The following SLC4A4 variants were observed in gnomAD, a reference collection of about 807,000 sequenced individuals.
SLC4A4 encodes electrogenic sodium bicarbonate cotransporter 1.
Under a neutral mutation model 111.5 loss-of-function variants are expected in SLC4A4, and 27 were observed. The observed-to-expected ratio is 0.24, with a 90% confidence interval of 0.18 to 0.33. The LOEUF is 0.33. SLC4A4 is among the 10% of genes least tolerant of loss of function. SLC4A4 has a pLI of 1.00. For missense variants in SLC4A4, 909 were observed against 1,315.5 expected, an observed-to-expected ratio of 0.69 and a Z score of 4.78; for synonymous variants, 443 against 463.4, an observed-to-expected ratio of 0.96 and a Z score of 0.57.
chr4:71,130,707 G>A (rs561474313), intron 2 of SLC4A4, among the ~76,000 whole-genome samples: 13 of 152,196 alleles, frequency 8.5e-5, no homozygotes, highest in South Asian at 2.1e-4. Flanking sequence ...GTTGTAATGC[G>A]TATGTATCTT....
intron 16 of SLC4A4, among the ~76,000 whole-genome samples, chr4:71,520,777 G>A (rs752135759): frequency 3.9e-5 from 6 of 151,970 alleles, no homozygotes; most frequent in Non-Finnish European, 7.4e-5. Flanking sequence ...TACAGCAAAG[G>A]CAAATTCAAA....
intron 1 of SLC4A4, among the ~76,000 whole-genome samples, chr4:71,215,744 A>G (rs1253291046): frequency 6.6e-6 from 1 of 152,178 alleles, no homozygotes; most frequent in Non-Finnish European, 1.5e-5. Context: ...CGTGATGATC[A>G]CAAGTGAACC....
chr4:71,518,463 C>A (rs565613715), intron 16 of SLC4A4, among the ~76,000 whole-genome samples: 42 of 152,124 alleles, frequency 2.8e-4, no homozygotes, highest in Admixed American at 1.0e-3. Context: ...CATGGTTCTG[C>A]AGCAGGCCTG....
chr4:71,344,368 A>G (rs1244917397), intron 4 of SLC4A4, among the ~76,000 whole-genome samples: 1 of 152,050 alleles, frequency 6.6e-6, no homozygotes, highest in Non-Finnish European at 1.5e-5. Context: ...TGCTGTCAGA[A>G]TGTTTTTGCA....
rs185654421 is a variant in SLC4A4, at chr4:71,171,091, A to G, written c.-1-65485A>G. ...AAATGCTACTAACTCCAAGCTAAATAACATGGATTTCATTCAACAGTTGAT... is the reference window on the plus strand; with the variant it reads ...AAATGCTACTAACTCCAAGCTAAATGACATGGATTTCATTCAACAGTTGAT... On this transcript the variant is annotated intron_variant, in intron 2 of 26. Transcript: ENST00000649996. 1.4e-3 allele frequency among the ~76,000 whole-genome samples: 209 copies of G among 152,312 alleles called. 5 individuals carry two copies. The highest frequency in any genetic ancestry group is 0.014 in the Admixed American group (207 of 15,292).
At chr4:71,085,676 TG>T (rs1742144092) in intron 1 of SLC4A4, among the ~76,000 whole-genome samples, 2 of 152,102 alleles carry the variant, frequency 1.3e-5, no homozygotes, top group Admixed American at 6.5e-5. Context: ...CTTTCCCCAT[TG>T]CTTGTTTTTG....
intron 15 of SLC4A4, among the ~76,000 whole-genome samples, chr4:71,494,750 A>G (rs1730247639): frequency 6.6e-6 from 1 of 152,048 alleles, no homozygotes; most frequent in Admixed American, 6.6e-5. Flanking sequence ...AGATGAGTTA[A>G]GGGTCTCCTG....
At chr4:71,268,916 A>G (rs1333348615) in intron 3 of SLC4A4, among the ~76,000 whole-genome samples, 1 of 152,258 alleles carries the variant, frequency 6.6e-6, no homozygotes, top group Non-Finnish European at 1.5e-5. Context: ...TATAACATAT[A>G]GAAGCTTTCA....
At chr4:71,318,245 G>T (rs1333929513) in intron 3 of SLC4A4, among the ~76,000 whole-genome samples, 1 of 152,036 alleles carries the variant, frequency 6.6e-6, no homozygotes, top group African/African-American at 2.4e-5. Flanking sequence ...AATAGTAATA[G>T]ATTCAAGATA....
intron 2 of SLC4A4, among the ~76,000 whole-genome samples, chr4:71,100,726 G>C (rs893808878): frequency 3.9e-5 from 6 of 152,122 alleles, no homozygotes; most frequent in African/African-American, 1.4e-4. Flanking sequence ...AGCTCCTTCA[G>C]GTGATAAACA....
At chr4:71,164,758 G>T (rs1431946521) in intron 2 of SLC4A4, among the ~76,000 whole-genome samples, 1 of 152,070 alleles carries the variant, frequency 6.6e-6, no homozygotes, top group Non-Finnish European at 1.5e-5. Context: ...TCATCAGAGC[G>T]AACAGGCAAC....
chr4:71,118,355 G>A (rs1408501456), intron 2 of SLC4A4, among the ~76,000 whole-genome samples: 1 of 151,986 alleles, frequency 6.6e-6, no homozygotes, highest in Non-Finnish European at 1.5e-5. Flanking sequence ...ATAATACAAG[G>A]TCCTGGGGAT....
At chr4:71,071,475 TA>T (rs1240820235) in intron 1 of SLC4A4, among the ~76,000 whole-genome samples, 3 of 152,158 alleles carry the variant, frequency 2.0e-5, no homozygotes, top group Non-Finnish European at 4.4e-5. Flanking sequence ...AAATATTTTT[TA>T]TTGCTTTGAG....
intron 3 of SLC4A4, among the ~76,000 whole-genome samples, chr4:71,293,318 C>A (rs1270625497): frequency 6.6e-6 from 1 of 151,528 alleles, no homozygotes; most frequent in Non-Finnish European, 1.5e-5. Context: ...AATCCCAGCA[C>A]TTTGGGAAGC....
At chr4:71,399,365 G>T (rs947626245) in intron 7 of SLC4A4, among the ~76,000 whole-genome samples, 1 of 151,904 alleles carries the variant, frequency 6.6e-6, no homozygotes, top group Non-Finnish European at 1.5e-5. Context: ...TAGTCATAGA[G>T]GTTTATAGGC....
chr4:71,508,830 T>G (rs1020241029), intron 16 of SLC4A4, among the ~76,000 whole-genome samples: 1 of 152,216 alleles, frequency 6.6e-6, no homozygotes, highest in South Asian at 2.1e-4. Context: ...CCAGTATCCT[T>G]GATGAACATT....
At chr4:71,109,896 C>T (rs1377201551) in intron 2 of SLC4A4, among the ~76,000 whole-genome samples, 1 of 152,154 alleles carries the variant, frequency 6.6e-6, no homozygotes, top group African/African-American at 2.4e-5. Flanking sequence ...AAAATCTAGC[C>T]TTGCTCCCAA....
At chr4:71,187,649 G>A (rs1745541016) in intron 1 of SLC4A4, among the ~76,000 whole-genome samples, 1 of 152,170 alleles carries the variant, frequency 6.6e-6, no homozygotes, top group Admixed American at 6.5e-5. Flanking sequence ...AGTTTGGGTG[G>A]TCTGCTTCTC....
intron 6 of SLC4A4, among the ~76,000 whole-genome samples, chr4:71,372,974 T>G (rs1732022925): frequency 6.6e-6 from 1 of 152,214 alleles, no homozygotes; most frequent in Non-Finnish European, 1.5e-5. Context: ...TTTTTGCTTT[T>G]AAAAATTTTT....
Sources: allele counts gnomAD v4.1 joint callset (sites outside exome capture counted in the v4.1 genomes callset), GRCh38; gene constraint gnomAD v4.1.1; transcripts MANE v1.5; gene names NCBI Gene and HGNC (gene_info 2026-07-23, HGNC 2026-07-21).